The following ATP10A variants were observed in gnomAD, a reference collection of about 807,000 sequenced individuals.
ATP10A encodes the protein ATPase phospholipid transporting 10A (putative), also known as phospholipid-transporting ATPase VA.
Under a neutral mutation model 147.8 loss-of-function variants are expected in ATP10A, and 111 were observed. The observed-to-expected ratio is 0.75, with a 90% confidence interval of 0.64 to 0.88. The LOEUF is 0.88. Ranked by LOEUF, ATP10A falls within the 40% of genes least tolerant of loss-of-function variation. The pLI, the probability that ATP10A is intolerant of heterozygous loss-of-function variation, is 0.00. For synonymous variants in ATP10A, 875 were observed against 841.6 expected (o/e 1.04, Z -0.69); for missense variants, 1,927 against 1,959.0 (o/e 0.98, Z 0.31).
At chr15:25,801,320 G>A (rs1890927926) in intron 1 of ATP10A, among the ~76,000 whole-genome samples, 1 of 152,142 alleles carries the variant, frequency 6.6e-6, no homozygotes, top group Non-Finnish European at 1.5e-5. Flanking sequence ...AGGAGCGAGG[G>A]GTGGGAGCCA....
Position 25,805,782 on chromosome 15 carries a change from T to C in ATP10A, c.450-24559A>G, listed in dbSNP as rs1001398971. On this transcript the variant is annotated intron_variant, in intron 1 of 20. Coordinates refer to ENST00000555815, the MANE Select transcript of ATP10A (RefSeq NM_024490.4). ...CTTTGTGAAAACAAGGTCTTGCCTT[T>C]ACTTTAAAAAAAGAAAAGAAAAAGT... Among the ~76,000 whole-genome samples the C allele has an allele frequency of 7.2e-5, 11 of 152,328 alleles. No homozygotes were observed. The East Asian group carries it at 2.1e-3, about 29-fold the overall frequency.
At chr15:25,684,778 C>G (rs927484498) in intron 16 of ATP10A, among the ~76,000 whole-genome samples, 7 of 152,166 alleles carry the variant, frequency 4.6e-5, no homozygotes, top group African/African-American at 1.7e-4. Flanking sequence ...ACCCTTTTGA[C>G]CCTGACTCAG....
chr15:25,679,691 G>A lies in ATP10A; in HGVS notation c.4150C>T (p.Leu1384=). The A allele has an allele frequency of 3.7e-6, 6 of 1,613,306 alleles. No individual in the cohort carries two copies. Among genetic ancestry groups the A allele is most frequent in the Non-Finnish European group, 5.1e-6 (6 of 1,180,026 alleles). Residue 1384 remains leucine (L), a synonymous_variant, in exon 21 of 21, where the codon CTG becomes TTG. Coordinates refer to ENST00000555815, the MANE Select transcript of ATP10A (RefSeq NM_024490.4). ...GCCGGTGCGCTCAGCCCCTCCAGCA[G>A]GGTGTGCTCCCTCACTGGCATGCTC... The part of the protein sequence containing the change: ...DMSMPVREHT[L]LEGLSAPAPM...
chr15:25,728,828 T>C (rs1368191108), intron 3 of ATP10A, among the ~76,000 whole-genome samples: 1 of 152,202 alleles, frequency 6.6e-6, no homozygotes, highest in Non-Finnish European at 1.5e-5. Context: ...TGCATCGACC[T>C]ATACAGGTCC....
intron 2 of ATP10A, among the ~76,000 whole-genome samples, chr15:25,736,893 C>T (rs4906760): frequency 0.82 from 124,265 of 151,824 alleles, 51,247 homozygotes; most frequent in Admixed American, 0.89. Context: ...TGGTAAAAAA[C>T]TGAACTGTCT....
chr15:25,854,153 G>C (rs917435284), intron 1 of ATP10A, among the ~76,000 whole-genome samples: 14 of 152,148 alleles, frequency 9.2e-5, no homozygotes, highest in Non-Finnish European at 1.5e-5. Flanking sequence ...AAATAGATGA[G>C]CCTGGAACAG....
chr15:25,837,067 TCA>T (rs550419384), intron 1 of ATP10A, among the ~76,000 whole-genome samples: 410 of 152,336 alleles, frequency 2.7e-3, no homozygotes, highest in African/African-American at 9.3e-3. Context: ...ATCCATCATT[TCA>T]CACAGTTACC....
intron 3 of ATP10A, among the ~76,000 whole-genome samples, chr15:25,734,777 C>T (rs1045387559): frequency 6.6e-6 from 1 of 152,130 alleles, no homozygotes; most frequent in African/African-American, 2.4e-5. Context: ...CAGTGGGTGA[C>T]GGGGCCATCA....
At chr15:25,795,597 A>T (rs1464369769) in intron 1 of ATP10A, among the ~76,000 whole-genome samples, 1 of 152,204 alleles carries the variant, frequency 6.6e-6, no homozygotes, top group Non-Finnish European at 1.5e-5. Context: ...TAGTAGGGGT[A>T]CTTGCTTTCC....
intron 4 of ATP10A, among the ~76,000 whole-genome samples, chr15:25,726,897 C>CA (rs57151119): frequency 0.31 from 43,420 of 140,344 alleles, 8,224 homozygotes; most frequent in African/African-American, 0.5. Flanking sequence ...TAAAAAAATA[C>CA]AAAAAAAAAA....
chr15:25,793,513 T>C (rs1215973835), intron 1 of ATP10A, among the ~76,000 whole-genome samples: 1 of 152,226 alleles, frequency 6.6e-6, no homozygotes, highest in African/African-American at 2.4e-5. Flanking sequence ...TGAGTGATTA[T>C]AAGTAGTTCT....
chr15:25,841,922 G>T (rs901367496), intron 1 of ATP10A, among the ~76,000 whole-genome samples: 2 of 152,206 alleles, frequency 1.3e-5, no homozygotes, highest in African/African-American at 4.8e-5. Flanking sequence ...TCATTGTAAT[G>T]AGCTCATTTT....
At chr15:25,720,010 T>C (rs890120716) in intron 7 of ATP10A, among the ~76,000 whole-genome samples, 4 of 152,182 alleles carry the variant, frequency 2.6e-5, no homozygotes, top group Non-Finnish European at 5.9e-5. Context: ...GAGATGTATG[T>C]GGTTTCATTC....
At chr15:25,684,629 A>T (rs1899614626) in intron 16 of ATP10A, among the ~76,000 whole-genome samples, 1 of 152,160 alleles carries the variant, frequency 6.6e-6, no homozygotes, top group South Asian at 2.1e-4. Flanking sequence ...CGGTGTGAGT[A>T]AGGAACCCAA....
In ATP10A at chr15:25,679,714, C is replaced by G. The variant is rs770637838; in HGVS notation, c.4127G>C (p.Ser1376Thr). The change falls in exon 21 of 21, where the codon AGC (serine) becomes ACC (threonine). Residue 1376 changes from serine to threonine, a missense_variant. By Grantham distance (58) the Ser-to-Thr change is moderately conservative. Transcript: ENST00000555815. The stretch of plus-strand genomic sequence containing the variant: ...CAGGGTGTGCTCCCTCACTGGCATG[C>G]TCATGTCCACTGTGCTGGGCTCCCC... ...ASGEPSTVDM[S>T]MPVREHTLLE... 5.6e-6 allele frequency: 9 copies of G among 1,613,386 alleles called. No homozygotes were observed. The highest frequency in any genetic ancestry group is 7.6e-6 in the Non-Finnish European group (9 of 1,180,016).
chr15:25,675,352 G>C (rs1899115607), downstream of ATP10A, among the ~76,000 whole-genome samples: 1 of 152,182 alleles, frequency 6.6e-6, no homozygotes, highest in Admixed American at 6.5e-5. Context: ...ATAAACTAAG[G>C]TCAAGTAGTT....
At chr15:25,774,684 A>G (rs1889520794) in intron 2 of ATP10A, among the ~76,000 whole-genome samples, 1 of 149,012 alleles carries the variant, frequency 6.7e-6, no homozygotes, top group South Asian at 2.1e-4. Context: ...TGAAGTCACC[A>G]GAATTTAAAA....
chr15:25,847,363 T>A (rs1379039557), intron 1 of ATP10A, among the ~76,000 whole-genome samples: 1 of 152,128 alleles, frequency 6.6e-6, no homozygotes, highest in Non-Finnish European at 1.5e-5. Context: ...ACAGGAACAA[T>A]GAAGAATTTA....
intron 1 of ATP10A, among the ~76,000 whole-genome samples, chr15:25,830,978 C>T (rs1262505408): frequency 1.3e-5 from 2 of 152,222 alleles, no homozygotes. Context: ...TGCCGGGCCT[C>T]CCTTCATCTG....
Sources: allele counts gnomAD v4.1 joint callset (sites outside exome capture counted in the v4.1 genomes callset), GRCh38; gene constraint gnomAD v4.1.1; transcripts MANE v1.5; gene names NCBI Gene and HGNC (gene_info 2026-07-23, HGNC 2026-07-21).